ADAMTS17: variants seen among roughly 807,000 people sequenced by gnomAD.
ADAMTS17 encodes the protein A disintegrin and metalloproteinase with thrombospondin motifs 17.
Under a neutral mutation model 141.5 loss-of-function variants are expected in ADAMTS17, and 113 were observed. That is an observed-to-expected ratio of 0.80 (90% CI 0.69 to 0.93). The LOEUF is 0.93. ADAMTS17 is among the 40% of genes least tolerant of loss of function. The probability of loss-of-function intolerance (pLI) is 0.00; values close to 1 mark genes in which losing one functional copy is unlikely to be tolerated. For missense variants in ADAMTS17, 1,659 were observed against 1,517.9 expected, an observed-to-expected ratio of 1.09 and a Z score of -1.54; for synonymous variants, 768 against 630.6, an observed-to-expected ratio of 1.22 and a Z score of -3.27.
In ADAMTS17 at chr15:100,109,082, C is replaced by T. The variant is rs749551110; in HGVS notation, c.1923G>A (p.Gly641=). The T allele has an allele frequency of 2.2e-5, 35 of 1,613,824 alleles. No individual in the cohort carries two copies. The highest frequency in any genetic ancestry group is 3.0e-5 in the Non-Finnish European group (35 of 1,179,928). ...KPCELYCSPL[G]KESPLLVADR... Reference sequence around the variant, plus strand: ...CGGCCACCAGCAGTGGGGACTCCTTCCCGAGGGGCGAGCAGTAGAGTTCAC... The same window carrying T: ...CGGCCACCAGCAGTGGGGACTCCTTTCCGAGGGGCGAGCAGTAGAGTTCAC... Residue 641 remains glycine, a synonymous_variant, in exon 14 of 22, where the codon GGG becomes GGA. Transcript: ENST00000268070.
rs576835588 is a variant in ADAMTS17 at position 100,267,953 on chromosome 15, T to C, written c.790-5518A>G. ...GTCACCCTGTTGTGCTATCAAATAC[T>C]GTAACTTATCCATTTTTGTAACTAT... On this transcript the variant is annotated intron_variant, in intron 4 of 21. Coordinates refer to ENST00000268070, the MANE Select transcript of ADAMTS17 (RefSeq NM_139057.4). Among the ~76,000 whole-genome samples the C allele has an allele frequency of 9.3e-4, 142 of 152,368 alleles. 1 individual carries two copies. Among genetic ancestry groups the C allele is most frequent in the African/African-American group, 3.3e-3 (137 of 41,598 alleles).
At chr15:100,081,066 C>T (rs1201019282) in intron 15 of ADAMTS17, among the ~76,000 whole-genome samples, 5 of 152,136 alleles carry the variant, frequency 3.3e-5, no homozygotes, top group Non-Finnish European at 5.9e-5. Context: ...AAGAGTTTAA[C>T]ATTTGGGTCA....
chr15:100,228,199 T>G (rs1461094843), intron 7 of ADAMTS17, among the ~76,000 whole-genome samples: 1 of 152,204 alleles, frequency 6.6e-6, no homozygotes, highest in Non-Finnish European at 1.5e-5. Flanking sequence ...TGACTCCTTC[T>G]CACAGTTCGG....
chr15:100,313,522 G>A (rs1157892243), intron 3 of ADAMTS17, among the ~76,000 whole-genome samples: 1 of 152,060 alleles, frequency 6.6e-6, no homozygotes, highest in Non-Finnish European at 1.5e-5. Context: ...AGACCGTTTG[G>A]GCATCTAAAT....
At chr15:100,118,819 A>G (rs2037299453) in intron 12 of ADAMTS17, among the ~76,000 whole-genome samples, 1 of 152,170 alleles carries the variant, frequency 6.6e-6, no homozygotes, top group Non-Finnish European at 1.5e-5. Flanking sequence ...CGGAGAAGGA[A>G]CGAGTGAGGC....
chr15:100,212,282 T>G (rs1167726424), intron 7 of ADAMTS17, among the ~76,000 whole-genome samples: 1 of 152,116 alleles, frequency 6.6e-6, no homozygotes, highest in Non-Finnish European at 1.5e-5. Context: ...TAGAGAGGAC[T>G]CTGCCCCCAG....
At chr15:100,056,703 C>T (rs905687771) in intron 15 of ADAMTS17, among the ~76,000 whole-genome samples, 11 of 152,070 alleles carry the variant, frequency 7.2e-5, no homozygotes, top group African/African-American at 2.2e-4. Context: ...GGTCCGCAAC[C>T]TGGGGTCTGG....
chr15:100,127,887 A>G (rs993611017), intron 12 of ADAMTS17, among the ~76,000 whole-genome samples: 10 of 138,900 alleles, frequency 7.2e-5, no homozygotes, highest in African/African-American at 2.5e-4. Flanking sequence ...CGGCCCCCTG[A>G]TAAAGTTTTT....
At chr15:100,099,743 TATGAGA>T (rs2035980540) in intron 14 of ADAMTS17, among the ~76,000 whole-genome samples, 1 of 139,738 alleles carries the variant, frequency 7.2e-6, no homozygotes, top group Admixed American at 7.4e-5. Context: ...CATGGGATGG[TATGAGA>T]TGGTATGAGA....
intron 18 of ADAMTS17, among the ~76,000 whole-genome samples, chr15:100,004,342 G>A (rs576551977): frequency 3.3e-5 from 5 of 152,260 alleles, no homozygotes; most frequent in South Asian, 2.1e-4. Flanking sequence ...TTTTTTTGGT[G>A]GCATAAAGAA....
intron 3 of ADAMTS17, among the ~76,000 whole-genome samples, chr15:100,326,145 T>C (rs939899634): frequency 6.6e-6 from 1 of 152,206 alleles, no homozygotes; most frequent in African/African-American, 2.4e-5. Context: ...TTTTTCTCTT[T>C]GCGGAATAAT....
chr15:100,005,605 C>T (rs976625703), intron 18 of ADAMTS17, among the ~76,000 whole-genome samples: 4 of 152,130 alleles, frequency 2.6e-5, no homozygotes, highest in Non-Finnish European at 4.4e-5. Context: ...CCCAGACTCA[C>T]CCAGATAATC....
chr15:100,245,696 G>T (rs1235694622), intron 7 of ADAMTS17, among the ~76,000 whole-genome samples: 5 of 152,154 alleles, frequency 3.3e-5, no homozygotes, highest in Admixed American at 2.0e-4. Context: ...CAAACCTCCT[G>T]CAGTGGGATC....
chr15:100,116,699 G>A (rs2037152625), intron 13 of ADAMTS17, 148 bp downstream of exon 13: 1 of 1,078,678 alleles, frequency 9.3e-7, no homozygotes, highest in African/African-American at 1.6e-5. Context: ...AACTTACAAA[G>A]TTGGGCCGCA....
intron 15 of ADAMTS17, among the ~76,000 whole-genome samples, chr15:100,065,146 T>G (rs1041639838): frequency 2.0e-5 from 3 of 152,206 alleles, no homozygotes; most frequent in Non-Finnish European, 2.9e-5. Flanking sequence ...AAACCAGAAT[T>G]GACCTATACC....
At chr15:100,016,563 G>T (rs745716324) in intron 18 of ADAMTS17, among the ~76,000 whole-genome samples, 3 of 152,234 alleles carry the variant, frequency 2.0e-5, no homozygotes, top group Middle Eastern at 3.2e-3. Flanking sequence ...GTGTTCCCTT[G>T]ATGGAGTACT....
chr15:100,108,133 T>G (rs576279445), intron 14 of ADAMTS17, among the ~76,000 whole-genome samples: 1 of 151,574 alleles, frequency 6.6e-6, no homozygotes, highest in South Asian at 2.1e-4. Flanking sequence ...GCAGGGTTAA[T>G]GCAGGTGGAG....
intron 3 of ADAMTS17, among the ~76,000 whole-genome samples, chr15:100,291,530 A>G (rs2044624202): frequency 6.6e-6 from 1 of 152,212 alleles, no homozygotes; most frequent in South Asian, 2.1e-4. Context: ...TAACAGGATG[A>G]CCCATGCACG....
At chr15:100,046,619 A>C (rs187015022) in intron 18 of ADAMTS17, among the ~76,000 whole-genome samples, 3 of 152,224 alleles carry the variant, frequency 2.0e-5, no homozygotes, top group Non-Finnish European at 2.9e-5. Context: ...TTCCCCAAAT[A>C]AATACTTTTA....
Sources: allele counts gnomAD v4.1 joint callset (sites outside exome capture counted in the v4.1 genomes callset), GRCh38; gene constraint gnomAD v4.1.1; transcripts MANE v1.5; gene names NCBI Gene and HGNC (gene_info 2026-07-23, HGNC 2026-07-21).